The following CYP2C19 variants were observed in gnomAD, a reference collection of about 807,000 sequenced individuals.
CYP2C19 encodes cytochrome P450 family 2 subfamily C member 19, also known as cytochrome P450 2C19.
Under a neutral mutation model 40.9 loss-of-function variants are expected in CYP2C19, and 59 were observed. That is an observed-to-expected ratio of 1.44 (90% CI 1.17 to 1.79). The LOEUF (loss-of-function observed/expected upper bound fraction) is 1.79. Ranked by LOEUF, CYP2C19 falls within the 40% of genes most tolerant of loss-of-function variation. The pLI, the probability that CYP2C19 is intolerant of heterozygous loss-of-function variation, is 0.00. For synonymous variants in CYP2C19, 253 were observed against 208.7 expected (o/e 1.21, Z -1.83); for missense variants, 754 against 596.9 (o/e 1.26, Z -2.74).
chr10:94,772,599 G>C (rs1848349472), intron 1 of CYP2C19, among the ~76,000 whole-genome samples: 1 of 152,134 alleles, frequency 6.6e-6, no homozygotes, highest in Non-Finnish European at 1.5e-5. Flanking sequence ...CTTGTTGTCG[G>C]GACCCCGGAG....
chr10:94,766,986 C>A (rs1414510763), intron 1 of CYP2C19, among the ~76,000 whole-genome samples: 2 of 152,018 alleles, frequency 1.3e-5, no homozygotes, highest in Non-Finnish European at 2.9e-5. Context: ...TCTGTGATAT[C>A]CTTCAGGTAG....
At position 94,853,826 on chromosome 10, in the gene CYP2C19, G is replaced by C. The variant is rs1279995966; in HGVS notation, c.*912G>C. Among the ~76,000 whole-genome samples, 1 of 152,098 alleles carries C rather than the reference G, an allele frequency of 6.6e-6. No homozygotes were observed. The highest frequency in any genetic ancestry group is 1.5e-5 in the Non-Finnish European group (1 of 68,020). ...CTCCCAAAGTGCTGGGATTACAGGA[G>C]TGAGACACTGTGCCTGGTCTAATGT... On this transcript the variant is annotated 3_prime_UTR_variant, in exon 9 of 9. Coordinates refer to ENST00000371321, the MANE Select transcript of CYP2C19 (RefSeq NM_000769.4).
chr10:94,763,123 A>G (rs1848195387), intron 1 of CYP2C19, among the ~76,000 whole-genome samples: 1 of 152,204 alleles, frequency 6.6e-6, no homozygotes, highest in African/African-American at 2.4e-5. Flanking sequence ...ATAGTTTGAA[A>G]TGTTGTGTTC....
At chr10:94,767,753 T>C (rs1007314635) in intron 1 of CYP2C19, among the ~76,000 whole-genome samples, 2 of 152,192 alleles carry the variant, frequency 1.3e-5, no homozygotes, top group Admixed American at 6.5e-5. Context: ...TATTTTCCAC[T>C]GGCTGGCTTC....
intron 3 of CYP2C19, chr10:94,776,561 C>T (rs757207050): frequency 1.3e-5 from 2 of 152,142 alleles, no homozygotes; most frequent in Admixed American, 6.5e-5. Flanking sequence ...CAATGCCTTG[C>T]TATTCATTCA....
intron 6 of CYP2C19, among the ~76,000 whole-genome samples, chr10:94,836,938 GC>G (rs200441094): frequency 0.073 from 11,070 of 152,240 alleles, 454 homozygotes; most frequent in South Asian, 0.12. Flanking sequence ...ATAGATGGGG[GC>G]TATCCTTGAA....
chr10:94,844,081 G>T (rs1364290823), intron 7 of CYP2C19, among the ~76,000 whole-genome samples: 1 of 151,628 alleles, frequency 6.6e-6, no homozygotes, highest in Non-Finnish European at 1.5e-5. Flanking sequence ...GAATTTTCAA[G>T]ATTTTTGATA....
At chr10:94,795,592 A>G (rs1848672733) in intron 5 of CYP2C19, among the ~76,000 whole-genome samples, 1 of 152,124 alleles carries the variant, frequency 6.6e-6, no homozygotes, top group Non-Finnish European at 1.5e-5. Flanking sequence ...GACTTCCACA[A>G]TGGTTAAACT....
intron 5 of CYP2C19, among the ~76,000 whole-genome samples, chr10:94,786,234 C>A (rs561070496): frequency 6.6e-6 from 1 of 152,188 alleles, no homozygotes; most frequent in African/African-American, 2.4e-5. Context: ...CATGTAGTTG[C>A]ATATGAATTG....
intron 5 of CYP2C19, among the ~76,000 whole-genome samples, chr10:94,818,425 A>G (rs1309880679): frequency 6.6e-6 from 1 of 152,080 alleles, no homozygotes; most frequent in Non-Finnish European, 1.5e-5. Context: ...AATTCTGTGA[A>G]GAAAGTCATT....
chr10:94,817,961 C>T (rs1338582503), intron 5 of CYP2C19, among the ~76,000 whole-genome samples: 5 of 130,618 alleles, frequency 3.8e-5, no homozygotes, highest in Admixed American at 8.0e-5. Context: ...TGCAGTGAGC[C>T]GAGATCCCGC....
rs1413289836 is a variant in CYP2C19 at position 94,817,636 on chromosome 10, G to A, written c.820-2860G>A. ...TTGTTGCCATTGCTTTTGGTGTTTT[G>A]GACATGAAGTTCTTGCCCATGCCTA... On this transcript the variant is annotated intron_variant, in intron 5 of 8. Coordinates refer to ENST00000371321, the MANE Select transcript of CYP2C19 (RefSeq NM_000769.4). Among the ~76,000 whole-genome samples, 50 of 146,074 alleles carry A rather than the reference G, an allele frequency of 3.4e-4. 1 individual carries two copies. The highest frequency in any genetic ancestry group is 6.1e-4 in the East Asian group (3 of 4,902).
At chr10:94,827,618 C>T (rs185802148) in intron 6 of CYP2C19, among the ~76,000 whole-genome samples, 61 of 152,234 alleles carry the variant, frequency 4.0e-4, no homozygotes, top group Non-Finnish European at 6.9e-4. Context: ...AAACCAGCTC[C>T]TGGATTCATT....
chr10:94,820,674 A>G (rs775977281), intron 6 of CYP2C19, 37 bp downstream of exon 6: 15 of 1,613,540 alleles, frequency 9.3e-6, no homozygotes, highest in Admixed American at 1.7e-5. Flanking sequence ...GAGTTTTAGG[A>G]AAGATGTTGG....
Position 94,830,501 on chromosome 10 carries a change from G to A in CYP2C19, c.961+9864G>A, listed in dbSNP as rs528447038. 5.9e-5 allele frequency among the ~76,000 whole-genome samples: 9 copies of A among 152,264 alleles called. No homozygotes were observed. In the South Asian group the frequency reaches 1.0e-3, roughly 18 times the overall value. ...CACTTCCCAAGTGAGGCAATGCCTC[G>A]CCCTGCTTCGGCTCCCGCAGGGTGC... On this transcript the variant is annotated intron_variant, in intron 6 of 8. Coordinates refer to ENST00000371321, the MANE Select transcript of CYP2C19 (RefSeq NM_000769.4).
intron 5 of CYP2C19, among the ~76,000 whole-genome samples, chr10:94,817,937 C>A (rs1367203607): frequency 5.4e-5 from 8 of 147,686 alleles, no homozygotes; most frequent in Non-Finnish European, 1.5e-5. Context: ...GGCGTGAACC[C>A]GGGAGGCGGA....
chr10:94,841,509 G>C (rs1418982727), intron 6 of CYP2C19, among the ~76,000 whole-genome samples: 6 of 152,188 alleles, frequency 3.9e-5, no homozygotes, highest in Non-Finnish European at 8.8e-5. Context: ...CATACAAAGG[G>C]AGGGGACCCA....
At chr10:94,773,060 C>T (rs535791706) in intron 1 of CYP2C19, among the ~76,000 whole-genome samples, 45 of 152,306 alleles carry the variant, frequency 3.0e-4, no homozygotes, top group South Asian at 4.1e-4. Context: ...GGATTACAGG[C>T]GTGAGCCACC....
chr10:94,818,851 C>G (rs1188634843), intron 5 of CYP2C19, among the ~76,000 whole-genome samples: 2 of 151,908 alleles, frequency 1.3e-5, no homozygotes, highest in Non-Finnish European at 2.9e-5. Flanking sequence ...GACAATTTGA[C>G]TTCCTCTTTT....
Sources: allele counts gnomAD v4.1 joint callset (sites outside exome capture counted in the v4.1 genomes callset), GRCh38; gene constraint gnomAD v4.1.1; transcripts MANE v1.5; gene names NCBI Gene and HGNC (gene_info 2026-07-23, HGNC 2026-07-21).